ANKRD12: variants seen among roughly 807,000 people sequenced by gnomAD.
ANKRD12 encodes the protein ankyrin repeat domain 12.
ANKRD12 carries 85 observed loss-of-function variants against 183.4 expected under a neutral mutation model. The observed-to-expected ratio is 0.46, with a 90% confidence interval of 0.39 to 0.56. ANKRD12 has a LOEUF of 0.56. Among genes scored for constraint, ANKRD12 ranks in the 20% least tolerant of loss-of-function variants. ANKRD12 has a pLI of 0.00. For missense variants in ANKRD12, 2,405 were observed against 2,357.1 expected, an observed-to-expected ratio of 1.02 and a Z score of -0.42; for synonymous variants, 914 against 800.2, an observed-to-expected ratio of 1.14 and a Z score of -2.40.
chr18:9,255,802 G>C lies in ANKRD12; in HGVS notation c.2535G>C (p.Lys845Asn). 1 of 1,573,178 alleles carries C rather than the reference G, an allele frequency of 6.4e-7. No homozygotes were observed. The highest frequency in any genetic ancestry group is 1.4e-5 in the African/African-American group (1 of 72,272). The change falls in exon 9 of 13, where the codon AAG (lysine) becomes AAC (asparagine). Residue 845 changes from lysine (K) to asparagine (N), a missense_variant. Physicochemically the swap from Lys to Asn is moderately conservative, Grantham distance 94 (BLOSUM62 0). This residue lies in a region of ANKRD12 where 1,983 missense variants were observed against 1,725.9 expected (regional missense o/e 1.15). Transcript: ENST00000262126. ...AAAGAAAAACCTTTGAAAAAGAAAA[G>C]AAGATAAAACATGAGCATAAGTCAG... ...KMERKTFEKE[K>N]KIKHEHKSEK...
chr18:9,255,468 A>T lies in ANKRD12; in HGVS notation c.2201A>T (p.Lys734Ile). 1 of 1,572,350 alleles carries T rather than the reference A, an allele frequency of 6.4e-7. No homozygotes were observed. Among genetic ancestry groups the T allele is most frequent in the Non-Finnish European group, 8.6e-7 (1 of 1,168,022 alleles). Residue 734 changes from lysine (K) to isoleucine (I), a missense_variant, in exon 9 of 13, where the codon AAA (lysine) becomes ATA (isoleucine). Coordinates refer to ENST00000262126, the MANE Select transcript of ANKRD12 (RefSeq NM_015208.5). The stretch of plus-strand genomic sequence containing the variant: ...TTGGAAAAAAACATCAAAGATGATA[A>T]ATCAACCAAGGAAAAGCATGTGTCA... Reference protein sequence around the residue: ...SKLEKNIKDDKSTKEKHVSKE... With the variant: ...SKLEKNIKDDISTKEKHVSKE...
chr18:9,270,184 CCATTGTGGAAGT>C (rs1467135579), intron 10 of ANKRD12, among the ~76,000 whole-genome samples: 2 of 152,202 alleles, frequency 1.3e-5, no homozygotes, highest in African/African-American at 4.8e-5. Flanking sequence ...ACTAGTTCAA[CCATTGTGGAAGT>C]CAGTGTGGCG....
chr18:9,215,750 G>A (rs1373482411), intron 6 of ANKRD12, among the ~76,000 whole-genome samples: 1 of 152,032 alleles, frequency 6.6e-6, no homozygotes, highest in Non-Finnish European at 1.5e-5. Context: ...TTGTCATGAC[G>A]TCACAGGATT....
Position 9,255,891 on chromosome 18 carries a change from C to T in ANKRD12, c.2624C>T (p.Ser875Leu), listed in dbSNP as rs112381702. ...ATAAAAGAAAAGGACAAGCTATATT[C>T]GCATCACACAGAAAAATGCCATAAA... is the stretch of plus-strand genomic sequence containing the variant. ...DKIKEKDKLY[S>L]HHTEKCHKEG... is the part of the protein sequence containing the mutation. Residue 875 changes from serine (S) to leucine (L), a missense_variant, in exon 9 of 13, where the codon TCG becomes TTG. Coordinates refer to ENST00000262126, the MANE Select transcript of ANKRD12 (RefSeq NM_015208.5). 1,323 of 1,594,732 alleles carry T rather than the reference C, an allele frequency of 8.3e-4. 20 individuals carry two copies. In the African/African-American group the frequency reaches 0.016, roughly 19 times the overall value.
intron 8 of ANKRD12, among the ~76,000 whole-genome samples, chr18:9,232,878 C>A (rs960555814): frequency 5.3e-5 from 8 of 149,770 alleles, no homozygotes; most frequent in Admixed American, 6.7e-5. Context: ...AAGACAGAAT[C>A]TGGCTCTGTT....
At chr18:9,238,974 TAGC>T (rs2037504062) in intron 8 of ANKRD12, among the ~76,000 whole-genome samples, 1 of 151,994 alleles carries the variant, frequency 6.6e-6, no homozygotes, top group Non-Finnish European at 1.5e-5. Flanking sequence ...ATACAAAAAT[TAGC>T]AGGGCATGGT....
intron 7 of ANKRD12, among the ~76,000 whole-genome samples, chr18:9,221,295 G>T (rs1012453611): frequency 1.3e-5 from 2 of 152,172 alleles, no homozygotes; most frequent in Non-Finnish European, 2.9e-5. Context: ...TACAACATTA[G>T]ATACAGCATC....
chr18:9,215,398 T>C (rs1246100383), intron 6 of ANKRD12, among the ~76,000 whole-genome samples: 2 of 152,122 alleles, frequency 1.3e-5, no homozygotes, highest in East Asian at 3.9e-4. Context: ...CTTTTCTGGA[T>C]TGATGTCATC....
rs191058473 is a variant in ANKRD12, at chr18:9,163,093, G to A, written c.-51-19289G>A. On this transcript the variant is annotated intron_variant, in intron 1 of 12. Coordinates refer to ENST00000262126, the MANE Select transcript of ANKRD12 (RefSeq NM_015208.5). Reference sequence around the variant, plus strand: ...TGCTTTTGTTGCAATTGTTTTTGGCGTTTTCATTGTGAAATCTTTGCCTGT... The same window carrying A: ...TGCTTTTGTTGCAATTGTTTTTGGCATTTTCATTGTGAAATCTTTGCCTGT... 1.2e-3 allele frequency among the ~76,000 whole-genome samples: 175 copies of A among 152,114 alleles called. 2 individuals are homozygous for A. The highest frequency in any genetic ancestry group is 4.0e-3 in the African/African-American group (164 of 41,504).
In ANKRD12 at chr18:9,216,907, A is replaced by G. The variant is rs1383078475; in HGVS notation, c.795+7A>G. On this transcript the variant is annotated splice_region_variant and intron_variant, in intron 7 of 12. Transcript: ENST00000262126. ...TAGTAGTGGGCACAGAGATGTAAGT[A>G]TGATAGAAAAAAATCAATAATACAC... 1.9e-6 allele frequency: 3 copies of G among 1,607,472 alleles called. No homozygotes were observed. The highest frequency in any genetic ancestry group is 2.5e-6 in the Non-Finnish European group (3 of 1,178,116).
At chr18:9,265,505 C>T (rs1199088550) in intron 10 of ANKRD12, among the ~76,000 whole-genome samples, 1 of 152,152 alleles carries the variant, frequency 6.6e-6, no homozygotes, top group African/African-American at 2.4e-5. Context: ...TGCTGTTACC[C>T]ACACAAACGG....
chr18:9,140,642 ACT>A (rs962472262), intron 1 of ANKRD12, among the ~76,000 whole-genome samples: 18 of 151,978 alleles, frequency 1.2e-4, no homozygotes, highest in African/African-American at 4.3e-4. Flanking sequence ...TCCTTTAAAA[ACT>A]CAGCTTTGAA....
chr18:9,209,742 T>C (rs560252941), intron 5 of ANKRD12, among the ~76,000 whole-genome samples: 3 of 152,222 alleles, frequency 2.0e-5, no homozygotes, highest in Non-Finnish European at 4.4e-5. Flanking sequence ...GTAAAAACTT[T>C]GACTGTTTCT....
chr18:9,166,406 T>G (rs200001168), intron 1 of ANKRD12, among the ~76,000 whole-genome samples: 4 of 152,098 alleles, frequency 2.6e-5, no homozygotes, highest in Non-Finnish European at 5.9e-5. Context: ...TTTTAATGAT[T>G]GCCATTCTGA....
chr18:9,211,469 G>A, intron 5 of ANKRD12, 115 bp from the exon 6 acceptor site: 2 of 895,918 alleles, frequency 2.2e-6, no homozygotes, highest in South Asian at 3.5e-5. Context: ...AGGTTGTTAG[G>A]GTGAGAAGGC....
intron 2 of ANKRD12, among the ~76,000 whole-genome samples, chr18:9,192,858 A>T (rs2034541102): frequency 6.6e-6 from 1 of 151,060 alleles, no homozygotes; most frequent in Non-Finnish European, 1.5e-5. Flanking sequence ...GTTTTTAAAA[A>T]TTTTTTATGG....
chr18:9,179,052 GT>G lies in ANKRD12; in HGVS notation c.-51-3328del, dbSNP rs1240630253. ...TTTAGTACTTCTGATGTTGTTGTAG[GT>G]TGTATTTTTAATTTTAATTTCTAAT... is the stretch of plus-strand genomic sequence containing the variant. On this transcript the variant is annotated intron_variant, in intron 1 of 12. Coordinates refer to ENST00000262126, the MANE Select transcript of ANKRD12 (RefSeq NM_015208.5). 2.6e-5 allele frequency among the ~76,000 whole-genome samples: 4 copies of G among 152,104 alleles called. No individual in the cohort carries two copies. The East Asian group carries it at 7.7e-4, about 29-fold the overall frequency.
chr18:9,203,940 G>C (rs2035330806), intron 3 of ANKRD12, among the ~76,000 whole-genome samples: 1 of 152,122 alleles, frequency 6.6e-6, no homozygotes, highest in South Asian at 2.1e-4. Context: ...ACTTTGTTTT[G>C]ATTTAGGTTA....
chr18:9,255,547 A>G lies in ANKRD12; in HGVS notation c.2280A>G (p.Lys760=). 6.3e-7 allele frequency: 1 copy of G among 1,577,556 alleles called. No homozygotes were observed. Among genetic ancestry groups the G allele is most frequent in the Non-Finnish European group, 8.5e-7 (1 of 1,170,714 alleles). The change falls in exon 9 of 13, where the codon AAA becomes AAG. Residue 760 remains lysine, a synonymous_variant. Coordinates refer to ENST00000262126, the MANE Select transcript of ANKRD12 (RefSeq NM_015208.5). The part of the protein sequence containing the change: ...ERDKIKKESE[K]SFREEKIKDL... ...ACAAGATTAAAAAGGAAAGCGAGAA[A>G]TCTTTTAGGGAGGAAAAAATAAAAG...
Sources: allele counts gnomAD v4.1 joint callset (sites outside exome capture counted in the v4.1 genomes callset), GRCh38; gene constraint gnomAD v4.1.1; regional missense constraint gnomAD v4.1.1; transcripts MANE v1.5; gene names NCBI Gene and HGNC (gene_info 2026-07-23, HGNC 2026-07-21).